ZNF560: variants seen among roughly 807,000 people sequenced by gnomAD.
ZNF560 encodes zinc finger protein 560.
ZNF560 carries 54 observed loss-of-function variants against 81.8 expected under a neutral mutation model. The ratio of observed to expected loss-of-function variants is 0.66; its 90% CI spans 0.53 to 0.83. The LOEUF (loss-of-function observed/expected upper bound fraction) is 0.83. Among genes scored for constraint, ZNF560 ranks in the 40% least tolerant of loss-of-function variants. The pLI, the probability that ZNF560 is intolerant of heterozygous loss-of-function variation, is 0.00. For synonymous variants in ZNF560, 321 were observed against 317.9 expected (o/e 1.01, Z -0.10); for missense variants, 940 against 932.4 (o/e 1.01, Z -0.11).
intron 6 of ZNF560, among the ~76,000 whole-genome samples, chr19:9,470,819 G>A (rs972141785): frequency 6.6e-6 from 1 of 152,110 alleles, no homozygotes; most frequent in Non-Finnish European, 1.5e-5. Flanking sequence ...ACAAATACTT[G>A]ATAAATGAGG....
At chr19:9,461,498 T>G (rs1257347448), downstream of ZNF560, among the ~76,000 whole-genome samples, 1 of 152,196 alleles carries the variant, frequency 6.6e-6, no homozygotes, top group Non-Finnish European at 1.5e-5. Flanking sequence ...TGGGACTGAT[T>G]GCTGTCACAG....
At chr19:9,472,779 C>G (rs2073142555) in intron 5 of ZNF560, among the ~76,000 whole-genome samples, 1 of 152,116 alleles carries the variant, frequency 6.6e-6, no homozygotes, top group Admixed American at 6.5e-5. Flanking sequence ...AAATGTAATG[C>G]ACCTGAATCA....
intron 2 of ZNF560, among the ~76,000 whole-genome samples, chr19:9,497,534 CA>C (rs58468618): frequency 0.061 from 4,119 of 67,556 alleles, 106 homozygotes; most frequent in African/African-American, 0.12. Context: ...GACCCCCTCT[CA>C]AAAAAAAAAA....
chr19:9,496,811 C>T (rs1012176256), intron 2 of ZNF560, among the ~76,000 whole-genome samples: 2 of 151,898 alleles, frequency 1.3e-5, no homozygotes, highest in Middle Eastern at 3.4e-3. Context: ...TGGCACGTGC[C>T]TGAAATCCCA....
chr19:9,506,660 C>T, the ZNF560 span, among the ~76,000 whole-genome samples: 1 of 151,918 alleles, frequency 6.6e-6, no homozygotes, highest in Non-Finnish European at 1.5e-5. Flanking sequence ...TTTAGCATCT[C>T]TTTTATGTTT....
intron 6 of ZNF560, 92 bp from the exon 7 acceptor site, chr19:9,470,610 G>A (rs2073106488): frequency 6.3e-7 from 1 of 1,583,348 alleles, no homozygotes; most frequent in Non-Finnish European, 8.7e-7. Context: ...TCCCTGTACA[G>A]GGTACTGAGT....
intron 2 of ZNF560, among the ~76,000 whole-genome samples, chr19:9,483,938 T>C (rs2073344428): frequency 6.6e-6 from 1 of 152,186 alleles, no homozygotes; most frequent in Non-Finnish European, 1.5e-5. Context: ...TCCATTTTGT[T>C]CTGTAGTAAG....
chr19:9,490,361 T>A (rs2073452190), intron 2 of ZNF560, among the ~76,000 whole-genome samples: 1 of 152,186 alleles, frequency 6.6e-6, no homozygotes, highest in Non-Finnish European at 1.5e-5. Flanking sequence ...TGGGTAGCAC[T>A]TAACTATCAA....
rs149258478 is a variant in ZNF560 at position 9,467,665 on chromosome 19, T to G, written c.1282A>C (p.Arg428=). 276 of 1,614,052 alleles carry G rather than the reference T, an allele frequency of 1.7e-4. No homozygotes were observed. The highest frequency in any genetic ancestry group is 2.2e-4 in the Non-Finnish European group (263 of 1,180,014). ...TGGTCACATTTAAAGGTTTTCTCTC[T>G]GGCGTGACATCTTATATGTTCAATA... ...GLIEHIRCHA[R]EKTFKCDHCG... Residue 428 remains arginine (R), a synonymous_variant, in exon 10 of 10, where the codon AGA becomes CGA. Coordinates refer to ENST00000301480, the MANE Select transcript of ZNF560 (RefSeq NM_152476.3).
chr19:9,470,110 C>G (rs1446177473), intron 7 of ZNF560, among the ~76,000 whole-genome samples: 2 of 152,074 alleles, frequency 1.3e-5, no homozygotes, highest in Admixed American at 6.6e-5. Context: ...AATACAGGGC[C>G]CCAACAGCAG....
chr19:9,475,328 C>T lies in ZNF560; in HGVS notation c.-15G>A. The T allele has an allele frequency of 1.2e-6, 2 of 1,613,532 alleles. No homozygotes were observed. Among genetic ancestry groups the T allele is most frequent in the African/African-American group, 1.3e-5 (1 of 75,020 alleles). On this transcript the variant is annotated 5_prime_UTR_variant, in exon 3 of 10. Transcript: ENST00000301480. ...CAGTAAGCCATCTTCCTTTCTGCCT[C>T]TGTCTTTTCTTCATGAAGGCAGATT...
the ZNF560 span, among the ~76,000 whole-genome samples, chr19:9,454,572 T>C: frequency 2.0e-5 from 3 of 152,136 alleles, no homozygotes; most frequent in African/African-American, 7.2e-5. Context: ...GGCACAAGGC[T>C]TATTTGAGTC....
At chr19:9,502,205 CGGTTTGGTTT>C (rs202091939), upstream of ZNF560, among the ~76,000 whole-genome samples, 2 of 151,412 alleles carry the variant, frequency 1.3e-5, no homozygotes, top group African/African-American at 2.4e-5. Context: ...TGTTTTGTTT[CGGTTTGGTTT>C]GGTTTGGTTT....
the ZNF560 span, among the ~76,000 whole-genome samples, chr19:9,458,511 T>C: frequency 1.3e-5 from 2 of 152,360 alleles, no homozygotes; most frequent in South Asian, 4.1e-4. Context: ...ATTCTTCATA[T>C]GTGGTTCTAC....
At chr19:9,480,973 A>T (rs2073279105) in intron 2 of ZNF560, among the ~76,000 whole-genome samples, 1 of 151,218 alleles carries the variant, frequency 6.6e-6, no homozygotes, top group Non-Finnish European at 1.5e-5. Context: ...AGTCCCAGCT[A>T]TTCAGGAGGC....
chr19:9,460,704 G>T, the ZNF560 span, among the ~76,000 whole-genome samples: 1 of 152,160 alleles, frequency 6.6e-6, no homozygotes, highest in African/African-American at 2.4e-5. Flanking sequence ...CATGCTTTCT[G>T]GTGTCAGTAT....
chr19:9,461,780 G>A (rs2072935238), downstream of ZNF560, among the ~76,000 whole-genome samples: 1 of 152,130 alleles, frequency 6.6e-6, no homozygotes, highest in African/African-American at 2.4e-5. Flanking sequence ...CCATGAATGG[G>A]AAAGAATAAA....
chr19:9,500,129 A>G (rs1486423353), upstream of ZNF560, among the ~76,000 whole-genome samples: 1 of 152,064 alleles, frequency 6.6e-6, no homozygotes, highest in African/African-American at 2.4e-5. Context: ...CACTCCTGTA[A>G]TCCCAACATT....
intron 2 of ZNF560, among the ~76,000 whole-genome samples, chr19:9,489,484 G>A (rs760211378): frequency 6.6e-6 from 1 of 151,610 alleles, no homozygotes; most frequent in Non-Finnish European, 1.5e-5. Context: ...CCAGACAGTG[G>A]GGCTGCCGGG....
Sources: gnomAD v4.1 joint callset for allele counts (sites outside exome capture counted in the v4.1 genomes callset) on GRCh38, gnomAD v4.1.1 for gene constraint, MANE v1.5 for transcripts, NCBI Gene and HGNC (gene_info 2026-07-23, HGNC 2026-07-21) for gene names.